The following PPP4R4 variants were observed in gnomAD, a reference collection of about 807,000 sequenced individuals.
The protein encoded by PPP4R4 is protein phosphatase 4 regulatory subunit 4.
PPP4R4 carries 70 observed loss-of-function variants against 121.8 expected under a neutral mutation model. That is an observed-to-expected ratio of 0.57 (90% confidence interval 0.47 to 0.70). PPP4R4 has a LOEUF of 0.70. Ranked by LOEUF, PPP4R4 falls within the 30% of genes least tolerant of loss-of-function variation. The pLI, the probability that PPP4R4 is intolerant of heterozygous loss-of-function variation, is 0.00. For missense variants in PPP4R4, 875 were observed against 1,033.6 expected, an observed-to-expected ratio of 0.85 and a Z score of 2.10; for synonymous variants, 348 against 355.7, an observed-to-expected ratio of 0.98 and a Z score of 0.24.
In PPP4R4 at chr14:94,246,433, C is replaced by T. The variant is rs762196750; in HGVS notation, c.1505C>T (p.Thr502Ile). The T allele has an allele frequency of 3.7e-6, 6 of 1,614,102 alleles. No individual in the cohort carries two copies. The South Asian group carries it at 4.4e-5, about 12-fold the overall frequency. ...QRAAASLKWR[T>I]HEKLLQKYAC... Reference sequence around the variant, plus strand: ...GCTGCAGCCTCTTTAAAATGGAGAACTCATGAGAAGCTACTTCAGAAATAT... The same window carrying T: ...GCTGCAGCCTCTTTAAAATGGAGAATTCATGAGAAGCTACTTCAGAAATAT... The change falls in exon 14 of 25, where the codon ACT becomes ATT. Residue 502 changes from threonine (T) to isoleucine (I), a missense_variant. Transcript: ENST00000304338.
chr14:94,247,843 CT>C (rs1892977414), intron 14 of PPP4R4, among the ~76,000 whole-genome samples: 1 of 152,144 alleles, frequency 6.6e-6, no homozygotes, highest in Admixed American at 6.5e-5. Context: ...GCAGAAAAGG[CT>C]TTTGATAAAG....
intron 17 of PPP4R4, among the ~76,000 whole-genome samples, chr14:94,256,874 C>A (rs963713137): frequency 1.3e-5 from 2 of 152,026 alleles, no homozygotes; most frequent in Non-Finnish European, 2.9e-5. Flanking sequence ...AAACACTGTT[C>A]AATTAATAAT....
At chr14:94,216,561 C>T (rs933679054) in intron 3 of PPP4R4, among the ~76,000 whole-genome samples, 1 of 152,180 alleles carries the variant, frequency 6.6e-6, no homozygotes, top group Non-Finnish European at 1.5e-5. Flanking sequence ...GTGAGAAAGA[C>T]TAGGGGACAA....
At chr14:94,210,057 A>AT (rs946892936) in intron 3 of PPP4R4, among the ~76,000 whole-genome samples, 5 of 151,594 alleles carry the variant, frequency 3.3e-5, no homozygotes, top group African/African-American at 1.2e-4. Flanking sequence ...ACTTTTTTTT[A>AT]TTTTCTTACT....
intron 17 of PPP4R4, 85 bp from the exon 18 acceptor site, chr14:94,258,698 C>A: frequency 1.0e-6 from 1 of 976,956 alleles, no homozygotes; most frequent in Non-Finnish European, 1.6e-6. Context: ...CTATTTGAAC[C>A]TCCATTTGCA....
chr14:94,176,008 T>C (rs1426261469), intron 1 of PPP4R4, 46 bp from the exon 2 acceptor site: 7 of 1,492,458 alleles, frequency 4.7e-6, no homozygotes, highest in Non-Finnish European at 5.6e-6. Flanking sequence ...GGGGCAAGAC[T>C]GAACCAATAT....
chr14:94,197,931 T>C (rs1889971465), intron 2 of PPP4R4, among the ~76,000 whole-genome samples: 1 of 152,242 alleles, frequency 6.6e-6, no homozygotes, highest in Non-Finnish European at 1.5e-5. Context: ...AATATAATAA[T>C]TTGATTATCC....
At chr14:94,178,500 TG>T (rs1567099948) in intron 2 of PPP4R4, among the ~76,000 whole-genome samples, 1 of 151,598 alleles carries the variant, frequency 6.6e-6, no homozygotes, top group Non-Finnish European at 1.5e-5. Flanking sequence ...TTTATATTAG[TG>T]GGGTTCTGAT....
At chr14:94,228,067 G>A (rs1184601143) in intron 3 of PPP4R4, among the ~76,000 whole-genome samples, 1 of 151,982 alleles carries the variant, frequency 6.6e-6, no homozygotes, top group Non-Finnish European at 1.5e-5. Context: ...ACTTTTGGTT[G>A]AAAAAACATG....
chr14:94,217,185 A>G (rs1301222023), intron 3 of PPP4R4, among the ~76,000 whole-genome samples: 2 of 152,206 alleles, frequency 1.3e-5, no homozygotes, highest in East Asian at 1.9e-4. Flanking sequence ...GAGAAGGGAC[A>G]AGAGTGTGGA....
At chr14:94,254,267 T>TA (rs1413972281) in intron 16 of PPP4R4, among the ~76,000 whole-genome samples, 6 of 152,156 alleles carry the variant, frequency 3.9e-5, no homozygotes, top group African/African-American at 1.4e-4. Flanking sequence ...TGTGCATAGA[T>TA]TGTTAAGTGT....
At chr14:94,245,854 T>G (rs1458842052) in intron 13 of PPP4R4, among the ~76,000 whole-genome samples, 184 bp downstream of exon 13, 1 of 152,230 alleles carries the variant, frequency 6.6e-6, no homozygotes, top group Non-Finnish European at 1.5e-5. Context: ...TTTCTTACAT[T>G]AATAATTTTA....
intron 8 of PPP4R4, among the ~76,000 whole-genome samples, chr14:94,239,400 C>T (rs1284883108): frequency 7.2e-6 from 1 of 138,466 alleles, no homozygotes; most frequent in African/African-American, 2.7e-5. Flanking sequence ...ACCCTGTGTC[C>T]AAGTGTTCTC....
chr14:94,199,374 G>T (rs1890047774), intron 2 of PPP4R4, among the ~76,000 whole-genome samples: 1 of 152,224 alleles, frequency 6.6e-6, no homozygotes, highest in South Asian at 2.1e-4. Flanking sequence ...GTGGGGCTCT[G>T]ACCCCATGGC....
chr14:94,251,019 A>G (rs1893151878), intron 15 of PPP4R4, among the ~76,000 whole-genome samples: 1 of 152,030 alleles, frequency 6.6e-6, no homozygotes, highest in Admixed American at 6.6e-5. Context: ...ATTTAAGAAA[A>G]AATATGCTCA....
intron 8 of PPP4R4, 114 bp from the exon 9 acceptor site, chr14:94,240,559 C>A: frequency 8.6e-7 from 1 of 1,166,840 alleles, no homozygotes; most frequent in African/African-American, 1.6e-5. Flanking sequence ...TTTTCTATTA[C>A]TATGAGGCTA....
intron 23 of PPP4R4, among the ~76,000 whole-genome samples, chr14:94,270,917 C>A (rs1258032828): frequency 8.9e-4 from 120 of 135,424 alleles, no homozygotes; most frequent in Middle Eastern, 3.6e-3. Context: ...GACTCCATCT[C>A]AAAAAAAAAA....
intron 19 of PPP4R4, among the ~76,000 whole-genome samples, chr14:94,263,350 G>A (rs1893878516): frequency 6.6e-6 from 1 of 151,986 alleles, no homozygotes; most frequent in African/African-American, 2.4e-5. Flanking sequence ...AATTTCTCTT[G>A]ATGTATCTTC....
In PPP4R4 at chr14:94,234,555, C is replaced by G. The variant is rs1280582700; in HGVS notation, c.624-7C>G. ...CATTTGCATGTTTCTTTTCTCCCCA[C>G]CTTCAGCATTAAGCGAGAAATACTT... On this transcript the variant is annotated splice_region_variant and splice_polypyrimidine_tract_variant and intron_variant, in intron 6 of 24. Transcript: ENST00000304338. 6.5e-7 allele frequency: 1 copy of G among 1,529,952 alleles called. No homozygotes were observed. Among genetic ancestry groups the G allele is most frequent in the Non-Finnish European group, 9.0e-7 (1 of 1,107,180 alleles). 94.8% of individuals were successfully genotyped at this position (1,529,952 alleles called of 1,614,324 possible).
Sources: allele counts gnomAD v4.1 joint callset (sites outside exome capture counted in the v4.1 genomes callset), GRCh38; gene constraint gnomAD v4.1.1; transcripts MANE v1.5; gene names NCBI Gene and HGNC (gene_info 2026-07-23, HGNC 2026-07-21).